JAKMIP2: variants seen among roughly 807,000 people sequenced by gnomAD.
JAKMIP2 encodes janus kinase and microtubule-interacting protein 2.
In JAKMIP2, 25 loss-of-function variants were observed where a neutral mutation model predicts 115.0. That is an observed-to-expected ratio of 0.22 (90% confidence interval 0.16 to 0.30). JAKMIP2 has a LOEUF of 0.30. Among genes scored for constraint, JAKMIP2 ranks in the 10% least tolerant of loss-of-function variants. The probability of loss-of-function intolerance (pLI) is 1.00; values close to 1 mark genes in which losing one functional copy is unlikely to be tolerated. For missense variants in JAKMIP2, 642 were observed against 957.6 expected (o/e 0.67, Z 4.35); for synonymous variants, 334 against 343.6 (o/e 0.97, Z 0.31).
intron 1 of JAKMIP2, among the ~76,000 whole-genome samples, chr5:147,769,352 T>C (rs563377086): frequency 6.6e-6 from 1 of 152,258 alleles, no homozygotes; most frequent in Admixed American, 6.5e-5. Context: ...AGATCCTTCA[T>C]GATAAGGATG....
intron 21 of JAKMIP2, among the ~76,000 whole-genome samples, chr5:147,592,655 G>T (rs1034294782): frequency 6.6e-6 from 1 of 152,192 alleles, no homozygotes; most frequent in Non-Finnish European, 1.5e-5. Context: ...CTATTTTCTT[G>T]CTGTATGCCC....
At chr5:147,734,616 A>G (rs773086597) in intron 1 of JAKMIP2, among the ~76,000 whole-genome samples, 69 of 151,860 alleles carry the variant, frequency 4.5e-4, no homozygotes, top group Middle Eastern at 3.4e-3. Flanking sequence ...AAGCCTGCAC[A>G]TTCTGCCCAT....
intron 5 of JAKMIP2, among the ~76,000 whole-genome samples, chr5:147,646,936 CA>C (rs1758163298): frequency 6.6e-6 from 1 of 151,500 alleles, no homozygotes; most frequent in African/African-American, 2.4e-5. Context: ...AGGATATAGA[CA>C]AATCTTTTGG....
intron 16 of JAKMIP2, among the ~76,000 whole-genome samples, chr5:147,628,009 CTT>C (rs58358473): frequency 2.0e-3 from 279 of 141,268 alleles, no homozygotes; most frequent in African/African-American, 6.3e-3. Context: ...TTTACTGGTA[CTT>C]TTTTTTTTTT....
chr5:147,585,905 G>T lies in JAKMIP2; in HGVS notation c.*5802C>A, dbSNP rs983716306. 2 of 151,972 alleles carry T rather than the reference G, an allele frequency of 1.3e-5. No homozygotes were observed. The highest frequency in any genetic ancestry group is 4.8e-5 in the African/African-American group (2 of 41,480). The allele number at this position is 151,972 out of a possible 1,614,324, so 9.4% of individuals were successfully genotyped here. A position where few individuals can be genotyped will look rare whatever the true frequency, so the allele number is the denominator to read the frequency against. On this transcript the variant is annotated 3_prime_UTR_variant, in exon 22 of 22. Coordinates refer to ENST00000616793, the MANE Select transcript of JAKMIP2 (RefSeq NM_001270941.2). ...TGAGATGGAATTTTTAGCTAATAAAGATATGGGACTTTTGGCTAATTTTAA... is the reference window on the plus strand; with the variant it reads ...TGAGATGGAATTTTTAGCTAATAAATATATGGGACTTTTGGCTAATTTTAA...
chr5:147,591,609 T>C lies in JAKMIP2; in HGVS notation c.*98A>G. 7.4e-7 allele frequency: 1 copy of C among 1,357,590 alleles called. No homozygotes were observed. The highest frequency in any genetic ancestry group is 1.1e-6 in the Non-Finnish European group (1 of 952,336). 84.1% of individuals were successfully genotyped at this position (1,357,590 alleles called of 1,614,324 possible). ...TCTTAGCTTTTGATCTCCCTCTCACTGGTGTAAACAATTTTGCCATCTTTG... is the reference window on the plus strand; with the variant it reads ...TCTTAGCTTTTGATCTCCCTCTCACCGGTGTAAACAATTTTGCCATCTTTG... On this transcript the variant is annotated 3_prime_UTR_variant, in exon 22 of 22. Transcript: ENST00000616793.
At chr5:147,766,969 C>A (rs531353073) in intron 1 of JAKMIP2, among the ~76,000 whole-genome samples, 1 of 152,244 alleles carries the variant, frequency 6.6e-6, no homozygotes, top group South Asian at 2.1e-4. Flanking sequence ...CCAAAAACCT[C>A]TCAATGAGAT....
At chr5:147,674,654 C>T (rs1367009699) in intron 1 of JAKMIP2, among the ~76,000 whole-genome samples, 3 of 152,178 alleles carry the variant, frequency 2.0e-5, no homozygotes, top group Non-Finnish European at 1.5e-5. Context: ...CTGCTCACAA[C>T]GAGCCCATCA....
At chr5:147,613,394 G>A (rs112184654) in intron 19 of JAKMIP2, among the ~76,000 whole-genome samples, 1 of 152,116 alleles carries the variant, frequency 6.6e-6, no homozygotes, top group African/African-American at 2.4e-5. Flanking sequence ...GAGAAAAAAA[G>A]GGAAGCTAGA....
chr5:147,641,614 C>A, intron 8 of JAKMIP2, 94 bp downstream of exon 8: 1 of 850,184 alleles, frequency 1.2e-6, no homozygotes, highest in Non-Finnish European at 2.0e-6. Context: ...TCTGGAACAC[C>A]TGATTCATCA....
intron 1 of JAKMIP2, among the ~76,000 whole-genome samples, chr5:147,771,522 G>A (rs1267404555): frequency 6.6e-6 from 1 of 151,962 alleles, no homozygotes; most frequent in African/African-American, 2.4e-5. Flanking sequence ...CATCTCAATA[G>A]TTCCTATTTG....
At chr5:147,613,222 G>T (rs991682683) in intron 19 of JAKMIP2, among the ~76,000 whole-genome samples, 1 of 152,156 alleles carries the variant, frequency 6.6e-6, no homozygotes, top group Non-Finnish European at 1.5e-5. Context: ...GCAATCTGAA[G>T]GTTTTTTTGT....
intron 19 of JAKMIP2, among the ~76,000 whole-genome samples, chr5:147,613,680 G>A (rs1756438418): frequency 6.6e-6 from 1 of 152,036 alleles, no homozygotes; most frequent in Non-Finnish European, 1.5e-5. Flanking sequence ...TAGAAGCCAG[G>A]AATGCTACTA....
At chr5:147,762,813 T>C (rs566733035) in intron 1 of JAKMIP2, among the ~76,000 whole-genome samples, 1 of 152,270 alleles carries the variant, frequency 6.6e-6, no homozygotes, top group African/African-American at 2.4e-5. Flanking sequence ...TATAAAGTGA[T>C]TTTTATTCAA....
intron 3 of JAKMIP2, among the ~76,000 whole-genome samples, chr5:147,659,996 CA>C (rs1307190395): frequency 9.2e-5 from 14 of 151,814 alleles, no homozygotes; most frequent in Non-Finnish European, 1.9e-4. Flanking sequence ...AACTAGAAGA[CA>C]AAAAAGGAAA....
chr5:147,622,029 G>A (rs901837447), intron 17 of JAKMIP2, among the ~76,000 whole-genome samples: 6 of 152,046 alleles, frequency 3.9e-5, no homozygotes, highest in African/African-American at 7.2e-5. Context: ...CACCGCGCCC[G>A]GCTAATTTTG....
At chr5:147,678,307 C>T (rs1336450153) in intron 1 of JAKMIP2, among the ~76,000 whole-genome samples, 7 of 152,090 alleles carry the variant, frequency 4.6e-5, no homozygotes, top group Non-Finnish European at 8.8e-5. Flanking sequence ...TGGCTACCCC[C>T]TGGCCCGCTT....
chr5:147,612,262 C>A, intron 20 of JAKMIP2, 44 bp downstream of exon 20: 1 of 1,259,060 alleles, frequency 7.9e-7, no homozygotes, highest in South Asian at 1.2e-5. Flanking sequence ...ATATTGCTTT[C>A]TGATTAAACA....
intron 1 of JAKMIP2, among the ~76,000 whole-genome samples, chr5:147,710,667 G>T (rs917336101): frequency 6.6e-6 from 1 of 152,148 alleles, no homozygotes; most frequent in South Asian, 2.1e-4. Flanking sequence ...CTGCATAAAG[G>T]AATGTTGTAG....
Sources: gnomAD v4.1 joint callset for allele counts (sites outside exome capture counted in the v4.1 genomes callset) on GRCh38, gnomAD v4.1.1 for gene constraint, MANE v1.5 for transcripts, NCBI Gene and HGNC (gene_info 2026-07-23, HGNC 2026-07-21) for gene names.